The following DERL1 variants were observed in gnomAD, a reference collection of about 807,000 sequenced individuals.
DERL1 encodes the protein derlin-1.
In DERL1, 24 loss-of-function variants were observed where a neutral mutation model predicts 41.6. That is an observed-to-expected ratio of 0.58 (90% CI 0.42 to 0.81). The LOEUF is 0.81. Among genes scored for constraint, DERL1 ranks in the 30% least tolerant of loss-of-function variants. The pLI is 0.00. For missense variants in DERL1, 260 were observed against 314.3 expected (o/e 0.83, Z 1.31); for synonymous variants, 124 against 112.5 (o/e 1.10, Z -0.65).
At chr8:123,036,025 G>A (rs979182500) in intron 1 of DERL1, among the ~76,000 whole-genome samples, 10 of 151,978 alleles carry the variant, frequency 6.6e-5, no homozygotes, top group Non-Finnish European at 1.2e-4. Context: ...GAGACACAAC[G>A]GGTAGGCAAG....
At position 123,015,193 on chromosome 8, in the gene DERL1, C is replaced by G. The variant is rs1814525675; in HGVS notation, c.*254G>C. 2 of 402,096 alleles carry G rather than the reference C, an allele frequency of 5.0e-6. No individual in the cohort carries two copies. Among genetic ancestry groups the G allele is most frequent in the East Asian group, 8.9e-5 (2 of 22,462 alleles). 24.9% of individuals were successfully genotyped at this position (402,096 alleles called of 1,614,324 possible). On this transcript the variant is annotated 3_prime_UTR_variant, in exon 8 of 8. Transcript: ENST00000259512. ...ACGGAAAGGGGAGAAGAGAAGACACCAAAAAATGTAGTCAGTTTTGCAATT... is the reference window on the plus strand; with the variant it reads ...ACGGAAAGGGGAGAAGAGAAGACACGAAAAAATGTAGTCAGTTTTGCAATT...
chr8:123,037,811 A>C (rs1039811896), intron 1 of DERL1, among the ~76,000 whole-genome samples: 1 of 152,214 alleles, frequency 6.6e-6, no homozygotes, highest in Admixed American at 6.5e-5. Flanking sequence ...ACATGACCTC[A>C]GGGAAGTTGT....
chr8:123,039,905 G>T (rs1388645894), intron 1 of DERL1, among the ~76,000 whole-genome samples: 1 of 152,130 alleles, frequency 6.6e-6, no homozygotes, highest in African/African-American at 2.4e-5. Flanking sequence ...AATACCAAAG[G>T]GTAATATGTA....
At chr8:123,027,270 G>C (rs1167487019) in intron 2 of DERL1, among the ~76,000 whole-genome samples, 2 of 145,000 alleles carry the variant, frequency 1.4e-5, no homozygotes, top group African/African-American at 5.2e-5. Context: ...CTCCAGCCTG[G>C]GCGACAGAGT....
At chr8:123,022,612 G>T in intron 5 of DERL1, 72 bp downstream of exon 5, 1 of 1,454,860 alleles carries the variant, frequency 6.9e-7, no homozygotes, top group Non-Finnish European at 9.6e-7. Context: ...GAGTCAGAAA[G>T]TACATCTCTG....
rs35730113 is a variant in DERL1 at position 123,028,063 on chromosome 8, C to CA, written c.265+2541dup. 6.4e-3 allele frequency among the ~76,000 whole-genome samples: 652 copies of CA among 101,092 alleles called. 2 individuals are homozygous for CA. The highest frequency in any genetic ancestry group is 0.031 in the East Asian group (114 of 3,650). The allele number at this position is 101,092 out of a possible 152,430, so 66.3% of individuals were successfully genotyped here. A position where few individuals can be genotyped will look rare whatever the true frequency, so the allele number is the denominator to read the frequency against. ...TGGGTGACAGAGTGAAACTGTATCT[C>CA]AAAAAAAAAAAAAAAAAAAAGTGGC... On this transcript the variant is annotated intron_variant, in intron 2 of 7. Transcript: ENST00000259512.
In DERL1 at chr8:123,042,236, C is replaced by A; in HGVS notation, c.-114G>T. The stretch of plus-strand genomic sequence containing the variant: ...GTGTCTAGGTGGAAGCCGCCGAAGC[C>A]GCGATGCAGAAGGCGGAGACGGGCG... On this transcript the variant is annotated 5_prime_UTR_variant, in exon 1 of 8. Coordinates refer to ENST00000259512, the MANE Select transcript of DERL1 (RefSeq NM_024295.6). 2.2e-6 allele frequency: 3 copies of A among 1,340,356 alleles called. No homozygotes were observed. The highest frequency in any genetic ancestry group is 2.9e-6 in the Non-Finnish European group (3 of 1,026,128). The allele number at this position is 1,340,356 out of a possible 1,614,324, so 83.0% of individuals were successfully genotyped here.
At chr8:123,016,712 G>A (rs1010128869) in intron 7 of DERL1, 3 of 152,182 alleles carry the variant, frequency 2.0e-5, no homozygotes, top group Non-Finnish European at 2.9e-5. Flanking sequence ...CAGAGCCTGC[G>A]CCCTGCACTA....
chr8:123,015,788 G>T, intron 7 of DERL1: 1 of 519,286 alleles, frequency 1.9e-6, no homozygotes, highest in Non-Finnish European at 3.2e-6. Context: ...CGTTTTTCAT[G>T]TTTCTTAAAT....
At chr8:123,019,843 C>T (rs138376685) in intron 6 of DERL1, among the ~76,000 whole-genome samples, 53 of 152,252 alleles carry the variant, frequency 3.5e-4, no homozygotes, top group African/African-American at 1.2e-3. Flanking sequence ...CTGAAATCAA[C>T]GCTGACCTTC....
intron 1 of DERL1, among the ~76,000 whole-genome samples, chr8:123,031,320 A>C (rs1400475251): frequency 1.3e-5 from 2 of 152,172 alleles, no homozygotes; most frequent in Non-Finnish European, 2.9e-5. Flanking sequence ...TGAGGCAGGC[A>C]GATCACCTGA....
At chr8:123,032,403 G>C (rs1340189351) in intron 1 of DERL1, among the ~76,000 whole-genome samples, 1 of 152,180 alleles carries the variant, frequency 6.6e-6, no homozygotes, top group African/African-American at 2.4e-5. Context: ...CCAAAGTGCT[G>C]GGATTACAGG....
intron 2 of DERL1, among the ~76,000 whole-genome samples, chr8:123,029,067 CAA>C (rs879563026): frequency 3.8e-5 from 5 of 133,158 alleles, no homozygotes; most frequent in Non-Finnish European, 3.2e-5. Flanking sequence ...GACCCTGTCT[CAA>C]AAAAAAAAAA....
chr8:123,029,030 T>C (rs547389534), intron 2 of DERL1, among the ~76,000 whole-genome samples: 5 of 151,618 alleles, frequency 3.3e-5, no homozygotes, highest in Admixed American at 1.3e-4. Context: ...ACTGTGCCAC[T>C]ATACTCCAGT....
chr8:123,016,984 C>A (rs1244204584), intron 7 of DERL1: 1 of 152,192 alleles, frequency 6.6e-6, no homozygotes, highest in Admixed American at 6.5e-5. Context: ...GGACAACAGG[C>A]GCCCGCTACC....
intron 7 of DERL1, chr8:123,017,856 G>C (rs954196299): frequency 1.3e-5 from 2 of 152,230 alleles, no homozygotes; most frequent in East Asian, 3.9e-4. Context: ...AGCCAAACCT[G>C]CTGTTATTAT....
At chr8:123,035,284 T>C (rs930924258) in intron 1 of DERL1, among the ~76,000 whole-genome samples, 19 of 152,372 alleles carry the variant, frequency 1.2e-4, no homozygotes, top group African/African-American at 4.3e-4. Flanking sequence ...CTTAATATTA[T>C]TTTTGTGTTA....
chr8:123,042,157 G>A lies in DERL1; in HGVS notation c.-35C>T. ...ACAGGTAGCCAAGATGCACAAGACCGCCCGACTCCCCGTGCCGACCCCCTC... is the reference window on the plus strand; with the variant it reads ...ACAGGTAGCCAAGATGCACAAGACCACCCGACTCCCCGTGCCGACCCCCTC... On this transcript the variant is annotated 5_prime_UTR_variant, in exon 1 of 8. Coordinates refer to ENST00000259512, the MANE Select transcript of DERL1 (RefSeq NM_024295.6). 1.3e-6 allele frequency: 2 copies of A among 1,561,110 alleles called. No individual in the cohort carries two copies. Among genetic ancestry groups the A allele is most frequent in the East Asian group, 2.4e-5 (1 of 42,152 alleles).
At chr8:123,035,360 T>C (rs1270245797) in intron 1 of DERL1, among the ~76,000 whole-genome samples, 2 of 152,210 alleles carry the variant, frequency 1.3e-5, no homozygotes, top group East Asian at 1.9e-4. Flanking sequence ...CAGTGTAACA[T>C]ATTTCGGAAA....
Sources: allele counts gnomAD v4.1 joint callset (sites outside exome capture counted in the v4.1 genomes callset), GRCh38; gene constraint gnomAD v4.1.1; transcripts MANE v1.5; gene names NCBI Gene and HGNC (gene_info 2026-07-23, HGNC 2026-07-21).